Variants in LCORL observed in about 807,000 individuals in gnomAD.
The protein encoded by LCORL is ligand dependent nuclear receptor corepressor like.
A neutral mutation model predicts 141.8 loss-of-function variants in LCORL; 41 were observed. The ratio of observed to expected loss-of-function variants is 0.29; its 90% CI spans 0.23 to 0.38. The LOEUF (loss-of-function observed/expected upper bound fraction) is 0.38, where lower values mean the gene tolerates loss of function less well. Among genes scored for constraint, LCORL ranks in the 10% least tolerant of loss-of-function variants. LCORL has a pLI of 1.00. For missense variants in LCORL, 1,759 were observed against 2,035.0 expected, an observed-to-expected ratio of 0.86 and a Z score of 2.61; for synonymous variants, 618 against 694.1, an observed-to-expected ratio of 0.89 and a Z score of 1.72.
chr4:17,959,387 A>C (rs1216856031), intron 4 of LCORL, among the ~76,000 whole-genome samples: 1 of 151,996 alleles, frequency 6.6e-6, no homozygotes, highest in Non-Finnish European at 1.5e-5. Context: ...CTTCTTCTGG[A>C]CGGCTCAAAT....
At chr4:17,993,127 A>G (rs1186843788) in intron 1 of LCORL, among the ~76,000 whole-genome samples, 1 of 152,230 alleles carries the variant, frequency 6.6e-6, no homozygotes, top group African/African-American at 2.4e-5. Context: ...GCACTATCCA[A>G]TAAAATTTTC....
At chr4:17,937,883 G>A (rs944213436) in intron 4 of LCORL, among the ~76,000 whole-genome samples, 6 of 151,816 alleles carry the variant, frequency 4.0e-5, no homozygotes, top group African/African-American at 1.5e-4. Flanking sequence ...CATTTGACCT[G>A]GGCTGCACTT....
intron 4 of LCORL, among the ~76,000 whole-genome samples, chr4:17,935,787 T>C (rs746289831): frequency 1.3e-5 from 2 of 152,192 alleles, no homozygotes; most frequent in African/African-American, 2.4e-5. Context: ...TAGTTATTCC[T>C]TTATGGCAAT....
Position 17,923,743 on chromosome 4 carries a change from T to C in LCORL, c.431-14398A>G, listed in dbSNP as rs181451714. Among the ~76,000 whole-genome samples, 3 of 152,050 alleles carry C rather than the reference T, an allele frequency of 2.0e-5. No individual in the cohort carries two copies. The East Asian group carries it at 5.8e-4, about 30-fold the overall frequency. On this transcript the variant is annotated intron_variant, in intron 4 of 7. Transcript: ENST00000635767. ...AATGTAGAGGAAGGGATCCAAAGGC[T>C]TAGGGACATTGGGATGTTAGAGTAA...
rs189431159 is a variant in LCORL at position 17,949,187 on chromosome 4, T to C, written c.430+12716A>G. On this transcript the variant is annotated intron_variant, in intron 4 of 7. Coordinates refer to ENST00000635767, the Ensembl canonical transcript of LCORL. ...ACTTGGTCTCTTTGGGCATATTCAT[T>C]TTCCAGAGTGCTACTCTCATCTTTT... Among the ~76,000 whole-genome samples, 265 of 152,188 alleles carry C rather than the reference T, an allele frequency of 1.7e-3. 1 individual carries two copies. Among genetic ancestry groups the C allele is most frequent in the Non-Finnish European group, 2.8e-3 (191 of 67,946 alleles).
chr4:17,909,450 C>A, intron 4 of LCORL, 105 bp from the exon 5 acceptor site: 1 of 764,150 alleles, frequency 1.3e-6, no homozygotes, highest in East Asian at 2.8e-5. Context: ...AGTCTTTTAG[C>A]ATCAGTCCAT....
At chr4:18,003,965 G>C (rs996616669) in intron 1 of LCORL, among the ~76,000 whole-genome samples, 20 of 152,314 alleles carry the variant, frequency 1.3e-4, no homozygotes, top group African/African-American at 4.6e-4. Flanking sequence ...AGCCACCTGT[G>C]GATCTTCAAA....
At chr4:17,883,618 C>T in intron 6 of LCORL, 3 of 1,377,530 alleles carry the variant, frequency 2.2e-6, no homozygotes, top group South Asian at 2.0e-5. Context: ...TTTGTAATTC[C>T]CACGTGTGTA....
chr4:17,930,425 G>A (rs540164793), intron 4 of LCORL, among the ~76,000 whole-genome samples: 8 of 152,202 alleles, frequency 5.3e-5, no homozygotes, highest in Non-Finnish European at 7.3e-5. Context: ...AGAGACACAG[G>A]AGAATAATGT....
chr4:17,868,322 T>C (rs572438539), intron 7 of LCORL, among the ~76,000 whole-genome samples: 47 of 152,260 alleles, frequency 3.1e-4, no homozygotes, highest in South Asian at 2.9e-3. Context: ...ACTTTTTTTT[T>C]TCAGTCATCT....
At chr4:17,897,351 T>A (rs970705885) in intron 5 of LCORL, among the ~76,000 whole-genome samples, 1 of 150,916 alleles carries the variant, frequency 6.6e-6, no homozygotes, top group Non-Finnish European at 1.5e-5. Context: ...GCTGTATTAA[T>A]TTACATTAGT....
intron 4 of LCORL, among the ~76,000 whole-genome samples, chr4:17,923,866 G>A (rs984699348): frequency 3.9e-5 from 6 of 152,040 alleles, no homozygotes; most frequent in Non-Finnish European, 7.4e-5. Context: ...GCAGCACTGC[G>A]TCTTTCCCGA....
At chr4:17,975,330 G>C (rs905117777) in intron 1 of LCORL, among the ~76,000 whole-genome samples, 6 of 151,376 alleles carry the variant, frequency 4.0e-5, no homozygotes, top group Admixed American at 6.6e-5. Context: ...TTACACATAG[G>C]ATATAAATGT....
At chr4:17,912,397 G>T in intron 4 of LCORL, 1 of 635,594 alleles carries the variant, frequency 1.6e-6, no homozygotes. Flanking sequence ...TAGGGTGACT[G>T]CGGAGGTAGA....
At chr4:17,871,154 G>GA (rs1445608255) in intron 7 of LCORL, among the ~76,000 whole-genome samples, 3 of 150,618 alleles carry the variant, frequency 2.0e-5, no homozygotes, top group South Asian at 4.2e-4. Flanking sequence ...CCAAGAATGA[G>GA]AAAAAAATAA....
intron 6 of LCORL, among the ~76,000 whole-genome samples, chr4:17,878,875 G>A (rs1727203804): frequency 6.6e-6 from 1 of 151,134 alleles, no homozygotes; most frequent in African/African-American, 2.4e-5. Context: ...CTGGAAAATG[G>A]CCCACTACAG....
intron 5 of LCORL, among the ~76,000 whole-genome samples, chr4:17,887,416 G>C (rs1728433719): frequency 6.6e-6 from 1 of 152,110 alleles, no homozygotes; most frequent in Non-Finnish European, 1.5e-5. Flanking sequence ...GTTTTACACA[G>C]TGTTATCAGT....
At chr4:17,984,915 C>T (rs1389329936) in intron 1 of LCORL, among the ~76,000 whole-genome samples, 5 of 152,116 alleles carry the variant, frequency 3.3e-5, no homozygotes. Context: ...TCTCTCTTAA[C>T]ACTGTCTTAG....
rs1471323469 is a variant in LCORL at position 18,021,117 on chromosome 4, T to G, written c.154+481A>C. Among the ~76,000 whole-genome samples, 3 of 151,996 alleles carry G rather than the reference T, an allele frequency of 2.0e-5. No individual in the cohort carries two copies. Among genetic ancestry groups the G allele is most frequent in the East Asian group, 3.9e-4 (2 of 5,144 alleles). ...GTCCCCGGGAACTGGCCGCGTCTGC[T>G]CACCCGGCCCCCGGCGGCGACAAGG... On this transcript the variant is annotated intron_variant, in intron 1 of 7. Coordinates refer to ENST00000635767, the Ensembl canonical transcript of LCORL. The surrounding 1 kb of genome is among the most constrained non-coding windows in gnomAD (Gnocchi z 5.5).
Sources: allele counts gnomAD v4.1 joint callset (sites outside exome capture counted in the v4.1 genomes callset), GRCh38; gene constraint gnomAD v4.1.1; non-coding constraint Gnocchi (gnomAD v3.1); transcripts MANE v1.5; gene names NCBI Gene and HGNC (gene_info 2026-07-23, HGNC 2026-07-21).